The following SLC28A3 variants were observed in gnomAD, a reference collection of about 807,000 sequenced individuals.
SLC28A3 encodes concentrative Na(+)-nucleoside cotransporter 3.
SLC28A3 carries 68 observed loss-of-function variants against 84.2 expected under a neutral mutation model. That is an observed-to-expected ratio of 0.81 (90% CI 0.66 to 0.99). The LOEUF (loss-of-function observed/expected upper bound fraction) is 0.99, where lower values mean the gene tolerates loss of function less well. Ranked by LOEUF, SLC28A3 falls within the 50% of genes least tolerant of loss-of-function variation. The pLI is 0.00. For missense variants in SLC28A3, 712 were observed against 841.5 expected, an observed-to-expected ratio of 0.85 and a Z score of 1.90; for synonymous variants, 267 against 303.6, an observed-to-expected ratio of 0.88 and a Z score of 1.25.
At position 84,286,002 on chromosome 9, in the gene SLC28A3, T is replaced by C. The variant is rs990869373; in HGVS notation, c.1390A>G (p.Met464Val). ...CCAAACCAGGACAGGGCTGAATTCA[T>C]AAAAGACAGCAGGGCCAGGAAGGCA... is the stretch of plus-strand genomic sequence containing the variant. ...LIAFLALLSF[M>V]NSALSWFGNM... The change falls in exon 13 of 18, where the codon ATG (methionine) becomes GTG (valine). Residue 464 changes from methionine (M) to valine (V), a missense_variant. Transcript: ENST00000376238. 2 of 1,614,044 alleles carry C rather than the reference T, an allele frequency of 1.2e-6. No homozygotes were observed. Among genetic ancestry groups the C allele is most frequent in the Non-Finnish European group, 1.7e-6 (2 of 1,179,986 alleles).
intron 9 of SLC28A3, 86 bp from the exon 10 acceptor site, chr9:84,292,834 G>A (rs1358485087): frequency 1.1e-6 from 1 of 875,532 alleles, no homozygotes. Context: ...TTAAACTGGT[G>A]TAAAATATTG....
chr9:84,298,121 G>A (rs1825486148), intron 6 of SLC28A3, 102 bp from the exon 7 acceptor site: 1 of 934,820 alleles, frequency 1.1e-6, no homozygotes, highest in Non-Finnish European at 1.7e-6. Flanking sequence ...ACTATCAGAT[G>A]TGGCCTGTCA....
intron 8 of SLC28A3, 32 bp from the exon 9 acceptor site, chr9:84,294,307 A>G (rs745869949): frequency 6.2e-7 from 1 of 1,609,198 alleles, no homozygotes; most frequent in South Asian, 1.1e-5. Context: ...TGGATTAATG[A>G]TGGGTCCAGC....
intron 3 of SLC28A3, among the ~76,000 whole-genome samples, chr9:84,307,290 G>T (rs1447818250): frequency 6.6e-6 from 1 of 151,804 alleles, no homozygotes; most frequent in Non-Finnish European, 1.5e-5. Flanking sequence ...AATTAGCCGG[G>T]TGTGGTGGCA....
chr9:84,287,181 AAAAC>A (rs1825025113), intron 12 of SLC28A3, among the ~76,000 whole-genome samples: 1 of 150,030 alleles, frequency 6.7e-6, no homozygotes, highest in Non-Finnish European at 1.5e-5. Context: ...AACAAACAAA[AAAAC>A]AACATTGTGC....
intron 1 of SLC28A3, among the ~76,000 whole-genome samples, chr9:84,317,843 C>A (rs1826226477): frequency 6.6e-6 from 1 of 152,272 alleles, no homozygotes; most frequent in East Asian, 1.9e-4. Flanking sequence ...TGTTCTGGGG[C>A]ATTTACAGTC....
At chr9:84,323,815 C>G (rs2118526492) in intron 1 of SLC28A3, among the ~76,000 whole-genome samples, 1 of 152,032 alleles carries the variant, frequency 6.6e-6, no homozygotes, top group East Asian at 1.9e-4. Context: ...ACATCCCCCT[C>G]CCCTCCAAAT....
At chr9:84,316,633 C>T (rs1056428776) in intron 1 of SLC28A3, among the ~76,000 whole-genome samples, 1 of 152,176 alleles carries the variant, frequency 6.6e-6, no homozygotes, top group Non-Finnish European at 1.5e-5. Context: ...ATGAAACTAA[C>T]TTTTCTCTTG....
At chr9:84,348,964 G>A in the SLC28A3 span, among the ~76,000 whole-genome samples, 3 of 150,976 alleles carry the variant, frequency 2.0e-5, no homozygotes, top group Non-Finnish European at 4.4e-5. Context: ...CTGGAGTACA[G>A]TGGGGCGATC....
intron 3 of SLC28A3, among the ~76,000 whole-genome samples, chr9:84,308,572 A>G (rs1198645401): frequency 3.3e-5 from 5 of 152,166 alleles, no homozygotes. Context: ...ATCTATTTCT[A>G]GATTTAAAAT....
At chr9:84,322,891 T>C (rs1826423632) in intron 1 of SLC28A3, among the ~76,000 whole-genome samples, 1 of 152,080 alleles carries the variant, frequency 6.6e-6, no homozygotes, top group South Asian at 2.1e-4. Context: ...GAAATACATT[T>C]GACTAAATAG....
Position 84,309,626 on chromosome 9 carries a change from T to C in SLC28A3, c.242+3A>G. On this transcript the variant is annotated splice_donor_region_variant and intron_variant, in intron 3 of 17. Transcript: ENST00000376238. ...GGTTATTTCCCTGTTTTAAAGACTG[T>C]ACCCTTTTTGTTGCATCTCCTCATC... The C allele has an allele frequency of 1.2e-6, 2 of 1,611,808 alleles. No homozygotes were observed. The highest frequency in any genetic ancestry group is 8.5e-7 in the Non-Finnish European group (1 of 1,178,624).
In SLC28A3 at chr9:84,280,021, A is replaced by G. The variant is rs1411180496; in HGVS notation, c.1782T>C (p.Ala594=). Reference sequence around the variant, plus strand: ...AGCAGGCCACGGTCCCCGCAATCAGAGCTCTCACTGCCCCCGAGGCGATAT... The same window carrying G: ...AGCAGGCCACGGTCCCCGCAATCAGGGCTCTCACTGCCCCCGAGGCGATAT... ...KRDIASGAVR[A]LIAGTVACFM... is the part of the protein sequence containing the mutation. The change falls in exon 16 of 18, where the codon GCT becomes GCC. Residue 594 remains alanine (A), a synonymous_variant. Transcript: ENST00000376238. The G allele has an allele frequency of 6.2e-7, 1 of 1,614,006 alleles. No individual in the cohort carries two copies. The highest frequency in any genetic ancestry group is 8.5e-7 in the Non-Finnish European group (1 of 1,180,002).
intron 1 of SLC28A3, among the ~76,000 whole-genome samples, chr9:84,323,486 ATG>A (rs1288797278): frequency 6.7e-6 from 1 of 148,584 alleles, no homozygotes; most frequent in Non-Finnish European, 1.5e-5. Context: ...GTGCAGTGGC[ATG>A]ATCTCGGCTC....
chr9:84,288,349 C>T (rs890851201), intron 11 of SLC28A3, among the ~76,000 whole-genome samples, 171 bp from the exon 12 acceptor site: 4 of 152,236 alleles, frequency 2.6e-5, no homozygotes, highest in African/African-American at 9.6e-5. Flanking sequence ...TGAGCCAAGT[C>T]GCGGGCATCA....
At chr9:84,354,580 G>C in the SLC28A3 span, among the ~76,000 whole-genome samples, 1 of 152,268 alleles carries the variant, frequency 6.6e-6, no homozygotes, top group African/African-American at 2.4e-5. Context: ...GGGCACAGTG[G>C]CTCACGCCAG....
At chr9:84,290,601 A>G (rs1240532449) in intron 10 of SLC28A3, among the ~76,000 whole-genome samples, 2 of 152,160 alleles carry the variant, frequency 1.3e-5, no homozygotes, top group East Asian at 3.8e-4. Flanking sequence ...ATATGTGGTC[A>G]TGTATAAATT....
chr9:84,362,661 A>G, the SLC28A3 span, among the ~76,000 whole-genome samples: 25 of 82,554 alleles, frequency 3.0e-4, no homozygotes, highest in Admixed American at 6.1e-4. Context: ...AAATAAGTTA[A>G]TAAATAAATA....
intron 1 of SLC28A3, among the ~76,000 whole-genome samples, chr9:84,334,510 G>A (rs891809749): frequency 6.6e-6 from 1 of 152,184 alleles, no homozygotes; most frequent in Non-Finnish European, 1.5e-5. Context: ...GTGATGAAAT[G>A]TGTAGGGCTG....
Sources: allele counts gnomAD v4.1 joint callset (sites outside exome capture counted in the v4.1 genomes callset), GRCh38; gene constraint gnomAD v4.1.1; transcripts MANE v1.5; gene names NCBI Gene and HGNC (gene_info 2026-07-23, HGNC 2026-07-21).